TSPAN9: variants seen among roughly 807,000 people sequenced by gnomAD.
The protein encoded by TSPAN9 is tetraspanin 9.
A neutral mutation model predicts 31.0 loss-of-function variants in TSPAN9; 16 were observed. That is an observed-to-expected ratio of 0.52 (90% CI 0.35 to 0.78). The LOEUF is 0.78. Ranked by LOEUF, TSPAN9 falls within the 30% of genes least tolerant of loss-of-function variation. The probability of loss-of-function intolerance (pLI) is 0.01; values close to 1 mark genes in which losing one functional copy is unlikely to be tolerated. For missense variants in TSPAN9, 272 were observed against 312.5 expected, an observed-to-expected ratio of 0.87 and a Z score of 0.98; for synonymous variants, 145 against 121.6, an observed-to-expected ratio of 1.19 and a Z score of -1.27.
intron 2 of TSPAN9, among the ~76,000 whole-genome samples, chr12:3,093,048 C>T (rs2098305696): frequency 6.6e-6 from 1 of 152,220 alleles, no homozygotes. Context: ...ACACGGAAAG[C>T]ATTCAGAGTC....
intron 2 of TSPAN9, among the ~76,000 whole-genome samples, chr12:3,157,832 A>G (rs2098343046): frequency 6.6e-6 from 1 of 152,188 alleles, no homozygotes; most frequent in East Asian, 1.9e-4. Flanking sequence ...GGACGCATTT[A>G]TGCCTGAATT....
intron 3 of TSPAN9, among the ~76,000 whole-genome samples, chr12:3,240,966 T>C (rs1799263866): frequency 6.6e-6 from 1 of 152,178 alleles, no homozygotes; most frequent in South Asian, 2.1e-4. Flanking sequence ...CTTTCACATG[T>C]GCATGGATTT....
At chr12:3,136,178 C>G (rs942560387) in intron 2 of TSPAN9, among the ~76,000 whole-genome samples, 8 of 152,176 alleles carry the variant, frequency 5.3e-5, no homozygotes, top group Non-Finnish European at 1.2e-4. Context: ...GTAGGAAGCA[C>G]TTCGTGAGCC....
chr12:3,182,205 C>G (rs754629079), intron 2 of TSPAN9, among the ~76,000 whole-genome samples: 1 of 151,940 alleles, frequency 6.6e-6, no homozygotes, highest in Non-Finnish European at 1.5e-5. Flanking sequence ...GTTAATTACT[C>G]GATTAATTCA....
chr12:3,243,120 C>T (rs1489502603), intron 3 of TSPAN9, among the ~76,000 whole-genome samples: 1 of 152,174 alleles, frequency 6.6e-6, no homozygotes, highest in Non-Finnish European at 1.5e-5. Context: ...TAGAAAACAA[C>T]CCAATAGAGT....
chr12:3,128,444 G>T lies in TSPAN9; in HGVS notation c.-18+44725G>T, dbSNP rs187230741. On this transcript the variant is annotated intron_variant, in intron 2 of 8. Coordinates refer to ENST00000011898, the MANE Select transcript of TSPAN9 (RefSeq NM_006675.5). ...CAAGGGGGCCTTACACACAAAAGGA[G>T]GCTGGGCGTGGTGGTGCAGCTGTAG... Among the ~76,000 whole-genome samples, 150 of 152,276 alleles carry T rather than the reference G, an allele frequency of 9.9e-4. 1 individual carries two copies. Among genetic ancestry groups the T allele is most frequent in the Non-Finnish European group, 1.5e-4 (10 of 68,014 alleles).
intron 2 of TSPAN9, among the ~76,000 whole-genome samples, chr12:3,178,930 G>A (rs1448174914): frequency 1.3e-5 from 2 of 152,196 alleles, no homozygotes; most frequent in Non-Finnish European, 2.9e-5. Flanking sequence ...ATCCCCCTTG[G>A]TCCCCATCAC....
chr12:3,206,276 A>G (rs773394951), intron 3 of TSPAN9: 1 of 455,898 alleles, frequency 2.2e-6, no homozygotes, highest in South Asian at 1.5e-5. Flanking sequence ...CACTCTGTGC[A>G]CAGGATCCTC....
At chr12:3,180,310 A>G (rs2098358018) in intron 2 of TSPAN9, among the ~76,000 whole-genome samples, 1 of 152,154 alleles carries the variant, frequency 6.6e-6, no homozygotes, top group Non-Finnish European at 1.5e-5. Flanking sequence ...TGAGTAACAT[A>G]GTGAGACCCT....
chr12:3,147,780 A>G lies in TSPAN9; in HGVS notation c.-17-53397A>G, dbSNP rs1205715896. Among the ~76,000 whole-genome samples the G allele has an allele frequency of 6.6e-6, 1 of 152,232 alleles. No homozygotes were observed. Among genetic ancestry groups the G allele is most frequent in the Non-Finnish European group, 1.5e-5 (1 of 68,046 alleles). Reference sequence around the variant, plus strand: ...ACGTCGGACGGTACTGTTCTAGACCAGTAGTTTTCACCTGCAGTGTTGGCT... The same window carrying G: ...ACGTCGGACGGTACTGTTCTAGACCGGTAGTTTTCACCTGCAGTGTTGGCT... On this transcript the variant is annotated intron_variant, in intron 2 of 8. Transcript: ENST00000011898. The surrounding 1 kb of genome is among the most constrained non-coding windows in gnomAD (Gnocchi z 4.3).
At chr12:3,234,448 A>C (rs565023781) in intron 3 of TSPAN9, among the ~76,000 whole-genome samples, 1 of 152,180 alleles carries the variant, frequency 6.6e-6, no homozygotes, top group East Asian at 1.9e-4. Flanking sequence ...ACCCTGCAGC[A>C]CTGACATAGT....
chr12:3,246,963 ATGT>A (rs1565630617), intron 3 of TSPAN9, among the ~76,000 whole-genome samples: 3 of 152,144 alleles, frequency 2.0e-5, no homozygotes, highest in African/African-American at 7.2e-5. Context: ...ATTTTCTGCA[ATGT>A]GCTTTTGGCC....
rs542251817 is a variant in TSPAN9, at chr12:3,102,547, C to T, written c.-18+18828C>T. Reference sequence around the variant, plus strand: ...CCTCCCACCAGGTTCATGCCATTCTCCTGCCTCAGCCTCCTGAGTAGCTGG... The same window carrying T: ...CCTCCCACCAGGTTCATGCCATTCTTCTGCCTCAGCCTCCTGAGTAGCTGG... On this transcript the variant is annotated intron_variant, in intron 2 of 8. Coordinates refer to ENST00000011898, the MANE Select transcript of TSPAN9 (RefSeq NM_006675.5). 3.3e-5 allele frequency among the ~76,000 whole-genome samples: 5 copies of T among 151,714 alleles called. No individual in the cohort carries two copies. The East Asian group carries it at 9.7e-4, about 30-fold the overall frequency.
At chr12:3,218,443 C>T (rs1046331315) in intron 3 of TSPAN9, among the ~76,000 whole-genome samples, 2 of 152,248 alleles carry the variant, frequency 1.3e-5, no homozygotes, top group African/African-American at 2.4e-5. Flanking sequence ...CCTTTGGGGC[C>T]TGCAGTGGCC....
chr12:3,125,153 G>T (rs924063038), intron 2 of TSPAN9: 5 of 150,402 alleles, frequency 3.3e-5, no homozygotes, highest in African/African-American at 1.2e-4. Context: ...TTTTAAAAAA[G>T]AAGAAAGGTT....
intron 2 of TSPAN9, among the ~76,000 whole-genome samples, chr12:3,171,232 TTTTC>T (rs1316437188): frequency 6.6e-6 from 1 of 152,192 alleles, no homozygotes. Context: ...ATATATTCTT[TTTTC>T]TTTATTTGTC....
chr12:3,088,946 C>T (rs10774114), intron 2 of TSPAN9, among the ~76,000 whole-genome samples: 151,893 of 151,910 alleles, frequency 1, 75,938 homozygotes, highest in Non-Finnish European at 1. Context: ...AAAAGGGACA[C>T]TATAGGCTGG....
chr12:3,222,660 C>G (rs2098385157), intron 3 of TSPAN9, among the ~76,000 whole-genome samples: 1 of 152,166 alleles, frequency 6.6e-6, no homozygotes, highest in Non-Finnish European at 1.5e-5. Context: ...GGTCTGCAGC[C>G]CACATTCCTG....
At position 3,172,848 on chromosome 12, in the gene TSPAN9, A is replaced by T. The variant is rs754511375; in HGVS notation, c.-17-28329A>T. 2 of 152,172 alleles carry T rather than the reference A, an allele frequency of 1.3e-5. No individual in the cohort carries two copies. Among genetic ancestry groups the T allele is most frequent in the African/African-American group, 4.8e-5 (2 of 41,418 alleles). 9.4% of individuals were successfully genotyped at this position (152,172 alleles called of 1,614,324 possible). On this transcript the variant is annotated intron_variant, in intron 2 of 8. Coordinates refer to ENST00000011898, the MANE Select transcript of TSPAN9 (RefSeq NM_006675.5). This position sits in a 1 kb window ranked among gnomAD's most constrained non-coding sequence, Gnocchi z 4.8. ...GCACGTAGGCATGGAAAGGTAACTAACCGCACGCGGCAGGCGAGTCTATTA... is the reference window on the plus strand; with the variant it reads ...GCACGTAGGCATGGAAAGGTAACTATCCGCACGCGGCAGGCGAGTCTATTA...
Sources: allele counts gnomAD v4.1 joint callset (sites outside exome capture counted in the v4.1 genomes callset), GRCh38; gene constraint gnomAD v4.1.1; non-coding constraint Gnocchi (gnomAD v3.1); transcripts MANE v1.5; gene names NCBI Gene and HGNC (gene_info 2026-07-23, HGNC 2026-07-21).